Variants in DSCAM observed in about 807,000 individuals in gnomAD.
DSCAM encodes the protein DS cell adhesion molecule, also known as cell adhesion molecule DSCAM.
Under a neutral mutation model 217.7 loss-of-function variants are expected in DSCAM, and 47 were observed. That is an observed-to-expected ratio of 0.22 (90% confidence interval 0.17 to 0.28). The LOEUF (loss-of-function observed/expected upper bound fraction) is 0.28. DSCAM is among the 10% of genes least tolerant of loss of function. DSCAM has a pLI of 1.00. For missense variants in DSCAM, 2,080 were observed against 2,618.3 expected (o/e 0.79, Z 4.49); for synonymous variants, 1,056 against 1,015.3 (o/e 1.04, Z -0.76).
chr21:40,093,755 G>A lies in DSCAM; in HGVS notation c.3816C>T (p.Ser1272=). ...GTGGCTCGACTGTGATGATTTCACT[G>A]CTGTTGCCTCTTCCGGCTGAAGTAA... ...VAVTSAGRGN[S]SEIITVEPLA... The change falls in exon 21 of 33, where the codon AGC becomes AGT. Residue 1272 remains serine, a synonymous_variant. Coordinates refer to ENST00000400454, the MANE Select transcript of DSCAM (RefSeq NM_001389.5). 6.2e-7 allele frequency: 1 copy of A among 1,613,798 alleles called. No individual in the cohort carries two copies.
intron 3 of DSCAM, among the ~76,000 whole-genome samples, chr21:40,547,724 G>C (rs1367689002): frequency 6.6e-6 from 1 of 152,124 alleles, no homozygotes; most frequent in Non-Finnish European, 1.5e-5. Flanking sequence ...GGGAGGAGAG[G>C]AAACAAGATG....
intron 3 of DSCAM, among the ~76,000 whole-genome samples, chr21:40,563,485 A>T (rs1025003826): frequency 4.1e-5 from 6 of 147,326 alleles, no homozygotes; most frequent in Admixed American, 1.4e-4. Context: ...TTGTTTATAT[A>T]TGTATAAAAC....
At chr21:40,189,424 T>A (rs530833541) in intron 11 of DSCAM, among the ~76,000 whole-genome samples, 186 bp from the exon 12 acceptor site, 1 of 152,310 alleles carries the variant, frequency 6.6e-6, no homozygotes, top group African/African-American at 2.4e-5. Flanking sequence ...CTTGAGTAAG[T>A]GAGCCCTCAG....
intron 3 of DSCAM, among the ~76,000 whole-genome samples, chr21:40,654,099 AG>A (rs111692592): frequency 0.49 from 73,030 of 149,840 alleles, 18,616 homozygotes; most frequent in African/African-American, 0.65. Context: ...CATCTCAAAA[AG>A]AAAAAGAAAA....
intron 3 of DSCAM, among the ~76,000 whole-genome samples, chr21:40,428,110 G>A (rs1328741432): frequency 6.6e-6 from 1 of 152,016 alleles, no homozygotes; most frequent in Non-Finnish European, 1.5e-5. Context: ...TGAAATTTAG[G>A]CTTGGCATGT....
At chr21:40,787,006 G>A (rs2091600079) in intron 1 of DSCAM, among the ~76,000 whole-genome samples, 2 of 152,294 alleles carry the variant, frequency 1.3e-5, no homozygotes, top group Non-Finnish European at 2.9e-5. Flanking sequence ...AAGCCCAAGG[G>A]CTCGATTTGA....
At chr21:40,844,860 T>C (rs2092131886) in intron 1 of DSCAM, among the ~76,000 whole-genome samples, 1 of 152,188 alleles carries the variant, frequency 6.6e-6, no homozygotes, top group African/African-American at 2.4e-5. Context: ...ACAGCCTCTT[T>C]CATCATCCTG....
chr21:40,115,492 C>A (rs1228509605), intron 20 of DSCAM, among the ~76,000 whole-genome samples: 1 of 151,890 alleles, frequency 6.6e-6, no homozygotes, highest in Non-Finnish European at 1.5e-5. Context: ...TGCAGCACAC[C>A]AACATGGCAC....
chr21:40,352,050 A>T (rs936965290), intron 5 of DSCAM, among the ~76,000 whole-genome samples: 2 of 151,964 alleles, frequency 1.3e-5, no homozygotes, highest in African/African-American at 4.8e-5. Context: ...TGAGGTTGCA[A>T]TTTTTTTTGA....
At chr21:40,195,908 G>T (rs2091002466) in intron 11 of DSCAM, among the ~76,000 whole-genome samples, 1 of 152,194 alleles carries the variant, frequency 6.6e-6, no homozygotes, top group South Asian at 2.1e-4. Flanking sequence ...CTACTGCCTG[G>T]ATTCCACAGT....
chr21:40,135,843 G>A (rs531639723), intron 18 of DSCAM, among the ~76,000 whole-genome samples: 1 of 152,348 alleles, frequency 6.6e-6, no homozygotes, highest in Non-Finnish European at 1.5e-5. Flanking sequence ...AGCATTAAAG[G>A]AGCATGGCAA....
chr21:40,325,429 C>T (rs1248151620), intron 8 of DSCAM, among the ~76,000 whole-genome samples: 2 of 152,000 alleles, frequency 1.3e-5, no homozygotes, highest in Non-Finnish European at 2.9e-5. Context: ...AGAACAAATA[C>T]AGAAAAAAAT....
chr21:40,303,023 T>C (rs1353616919), intron 9 of DSCAM, among the ~76,000 whole-genome samples: 1 of 152,202 alleles, frequency 6.6e-6, no homozygotes, highest in Non-Finnish European at 1.5e-5. Flanking sequence ...TAGGTTTCCC[T>C]AGCTGTAAAC....
intron 6 of DSCAM, among the ~76,000 whole-genome samples, chr21:40,344,310 G>A: frequency 1.3e-5 from 2 of 152,248 alleles, no homozygotes; most frequent in East Asian, 3.9e-4. Flanking sequence ...CATGGTATTT[G>A]TTCTTATAGA....
chr21:40,637,830 G>A (rs1020995283), intron 3 of DSCAM, among the ~76,000 whole-genome samples: 9 of 149,848 alleles, frequency 6.0e-5, no homozygotes, highest in Middle Eastern at 3.4e-3. Flanking sequence ...GCACCACCAC[G>A]CCTGGCTAAT....
rs114998254 is a variant in DSCAM at position 40,073,849 on chromosome 21, C to T, written c.4888+1188G>A. 7.0e-3 allele frequency among the ~76,000 whole-genome samples: 1,067 copies of T among 152,244 alleles called. 14 individuals are homozygous for T. Among genetic ancestry groups the T allele is most frequent in the African/African-American group, 0.024 (982 of 41,544 alleles). On this transcript the variant is annotated intron_variant, in intron 27 of 32. Coordinates refer to ENST00000400454, the MANE Select transcript of DSCAM (RefSeq NM_001389.5). The stretch of plus-strand genomic sequence containing the variant: ...AAAATTAAAAGATAATTGGTTCGCA[C>T]GATTGCGAAAGAACATTTCAAGGAG...
intron 1 of DSCAM, among the ~76,000 whole-genome samples, chr21:40,817,988 C>T (rs946601321): frequency 6.8e-6 from 1 of 148,102 alleles, no homozygotes; most frequent in Non-Finnish European, 1.5e-5. Flanking sequence ...CCCAGCTACT[C>T]GGGAGGCTGA....
chr21:40,348,253 C>CT (rs1569077461), intron 5 of DSCAM, among the ~76,000 whole-genome samples: 2 of 123,250 alleles, frequency 1.6e-5, no homozygotes, highest in African/African-American at 2.9e-5. Flanking sequence ...ATACCCCATA[C>CT]GGTTCCTATC....
intron 3 of DSCAM, among the ~76,000 whole-genome samples, chr21:40,576,827 T>C (rs543341706): frequency 6.6e-6 from 1 of 152,124 alleles, no homozygotes; most frequent in Admixed American, 6.5e-5. Flanking sequence ...AATTAACTAA[T>C]AATCATAAAA....
Sources: gnomAD v4.1 joint callset for allele counts (sites outside exome capture counted in the v4.1 genomes callset) on GRCh38, gnomAD v4.1.1 for gene constraint, MANE v1.5 for transcripts, NCBI Gene and HGNC (gene_info 2026-07-23, HGNC 2026-07-21) for gene names.